The following SUPT3H variants were observed in gnomAD, a reference collection of about 807,000 sequenced individuals.
The protein encoded by SUPT3H is SPT3 homolog, SAGA and STAGA complex component.
In SUPT3H, 44 loss-of-function variants were observed where a neutral mutation model predicts 44.3. The observed-to-expected ratio is 0.99, with a 90% CI of 0.78 to 1.28. The LOEUF is 1.28. Ranked by LOEUF, SUPT3H falls within the 50% of genes most tolerant of loss-of-function variation. The pLI is 0.00. For missense variants in SUPT3H, 380 were observed against 387.1 expected (o/e 0.98, Z 0.15); for synonymous variants, 124 against 125.6 (o/e 0.99, Z 0.09).
At chr6:45,180,699 C>T (rs1425966546) in intron 2 of SUPT3H, among the ~76,000 whole-genome samples, 1 of 152,048 alleles carries the variant, frequency 6.6e-6, no homozygotes, top group African/African-American at 2.4e-5. Context: ...CTTCCTTACA[C>T]CTTATACAAA....
At chr6:45,104,314 T>C (rs1466872850) in intron 3 of SUPT3H, among the ~76,000 whole-genome samples, 1 of 152,046 alleles carries the variant, frequency 6.6e-6, no homozygotes, top group African/African-American at 2.4e-5. Flanking sequence ...AGAGTAAATA[T>C]CTGGTGTCCT....
At chr6:45,125,894 C>T (rs1336838341) in intron 2 of SUPT3H, among the ~76,000 whole-genome samples, 1 of 151,594 alleles carries the variant, frequency 6.6e-6, no homozygotes, top group Non-Finnish European at 1.5e-5. Context: ...TTGTATTACT[C>T]TTTACACTAA....
At chr6:45,112,395 G>A (rs1408567177) in intron 2 of SUPT3H, among the ~76,000 whole-genome samples, 3 of 151,750 alleles carry the variant, frequency 2.0e-5, no homozygotes, top group Admixed American at 6.6e-5. Flanking sequence ...ACATGTCATT[G>A]TTCCTTAAAT....
chr6:45,012,962 AG>A (rs1365084816), intron 5 of SUPT3H, among the ~76,000 whole-genome samples: 9 of 152,074 alleles, frequency 5.9e-5, no homozygotes, highest in Non-Finnish European at 1.2e-4. Flanking sequence ...CTGTAGTTTT[AG>A]TCAGGGGGTG....
intron 2 of SUPT3H, among the ~76,000 whole-genome samples, chr6:45,326,489 C>T (rs1022755306): frequency 5.3e-5 from 8 of 151,926 alleles, no homozygotes; most frequent in South Asian, 2.1e-4. Context: ...GTTAAATGAA[C>T]GCTTTTACCT....
intron 11 of SUPT3H, among the ~76,000 whole-genome samples, chr6:44,815,067 A>C (rs1488086693): frequency 6.6e-6 from 1 of 152,152 alleles, no homozygotes; most frequent in Non-Finnish European, 1.5e-5. Context: ...TATGTACTTT[A>C]TGAACATATT....
At chr6:45,325,302 T>C (rs923239017) in intron 2 of SUPT3H, among the ~76,000 whole-genome samples, 7 of 151,728 alleles carry the variant, frequency 4.6e-5, no homozygotes, top group Admixed American at 3.9e-4. Flanking sequence ...ACAATATTGA[T>C]AAAGTAAAAC....
At chr6:45,158,298 A>ATATATATATATATATTTTTT in intron 2 of SUPT3H, among the ~76,000 whole-genome samples, 4 of 99,694 alleles carry the variant, frequency 4.0e-5, no homozygotes, top group African/African-American at 2.0e-4. Context: ...ATATATATAT[A>ATATATATATATATATTTTTT]TTTTTTTTTT....
intron 10 of SUPT3H, among the ~76,000 whole-genome samples, chr6:44,891,125 T>C (rs1331721782): frequency 2.0e-5 from 3 of 151,890 alleles, no homozygotes; most frequent in Admixed American, 1.3e-4. Context: ...ACTTAAAGTA[T>C]AATAATAAAA....
At chr6:44,832,689 G>A (rs1297372721) in intron 10 of SUPT3H, among the ~76,000 whole-genome samples, 4 of 152,046 alleles carry the variant, frequency 2.6e-5, no homozygotes, top group African/African-American at 9.7e-5. Context: ...GGAATTCATA[G>A]TTCCCATTTT....
intron 3 of SUPT3H, among the ~76,000 whole-genome samples, chr6:45,028,601 A>G (rs1583150638): frequency 6.6e-6 from 1 of 151,778 alleles, no homozygotes; most frequent in South Asian, 2.1e-4. Context: ...GGAAGCTGAC[A>G]CTCGTTTTTT....
intron 1 of SUPT3H, among the ~76,000 whole-genome samples, chr6:45,374,727 G>A (rs1336765108): frequency 6.6e-6 from 1 of 152,056 alleles, no homozygotes; most frequent in Non-Finnish European, 1.5e-5. Context: ...AGACTACCAT[G>A]CAGTCACCCC....
At chr6:45,204,639 G>A (rs1042664544) in intron 2 of SUPT3H, among the ~76,000 whole-genome samples, 3 of 152,116 alleles carry the variant, frequency 2.0e-5, no homozygotes, top group Non-Finnish European at 2.9e-5. Flanking sequence ...TTTCATTTGG[G>A]GGGAAAAGTT....
chr6:44,937,254 G>A (rs1771595390), intron 9 of SUPT3H, among the ~76,000 whole-genome samples: 1 of 151,998 alleles, frequency 6.6e-6, no homozygotes, highest in Admixed American at 6.6e-5. Flanking sequence ...CACTTTGGGA[G>A]GCCGAGGCAG....
At chr6:45,322,571 A>G (rs1043955582) in intron 2 of SUPT3H, among the ~76,000 whole-genome samples, 2 of 152,072 alleles carry the variant, frequency 1.3e-5, no homozygotes, top group African/African-American at 2.4e-5. Context: ...CATTTTCAAT[A>G]TATTTTCTAT....
At chr6:45,118,235 TAA>T (rs1313441927) in intron 2 of SUPT3H, among the ~76,000 whole-genome samples, 1 of 152,074 alleles carries the variant, frequency 6.6e-6, no homozygotes, top group Admixed American at 6.6e-5. Context: ...AATGAACATA[TAA>T]AGTCTTTAAG....
intron 2 of SUPT3H, among the ~76,000 whole-genome samples, chr6:45,240,069 TG>T (rs1770003144): frequency 6.6e-6 from 1 of 152,098 alleles, no homozygotes; most frequent in Non-Finnish European, 1.5e-5. Context: ...AATAATAACT[TG>T]GGGTAGAGGT....
intron 2 of SUPT3H, among the ~76,000 whole-genome samples, chr6:45,241,579 C>A (rs1224248667): frequency 1.3e-5 from 2 of 152,134 alleles, no homozygotes; most frequent in East Asian, 3.9e-4. Flanking sequence ...CTGTTCGGGG[C>A]TCTCAGTTCT....
chr6:45,125,619 T>C (rs2153581300), intron 2 of SUPT3H, among the ~76,000 whole-genome samples: 1 of 152,300 alleles, frequency 6.6e-6, no homozygotes, highest in South Asian at 2.1e-4. Flanking sequence ...ATAGTTATGA[T>C]GATAATATGG....
Sources: allele counts gnomAD v4.1 joint callset (sites outside exome capture counted in the v4.1 genomes callset), GRCh38; gene constraint gnomAD v4.1.1; transcripts MANE v1.5; gene names NCBI Gene and HGNC (gene_info 2026-07-23, HGNC 2026-07-21).